Variants in PALLD observed in about 807,000 individuals in gnomAD.
PALLD encodes the protein palladin, cytoskeletal associated protein.
Under a neutral mutation model 123.5 loss-of-function variants are expected in PALLD, and 61 were observed. The observed-to-expected ratio is 0.49, with a 90% CI of 0.40 to 0.61. PALLD has a LOEUF of 0.61. Ranked by LOEUF, PALLD falls within the 20% of genes least tolerant of loss-of-function variation. The pLI is 0.00. For synonymous variants in PALLD, 465 were observed against 496.4 expected, an observed-to-expected ratio of 0.94 and a Z score of 0.84; for missense variants, 1,273 against 1,377.0, an observed-to-expected ratio of 0.92 and a Z score of 1.20.
intron 10 of PALLD, among the ~76,000 whole-genome samples, chr4:168,816,276 CAA>C (rs1458061656): frequency 6.6e-6 from 1 of 151,976 alleles, no homozygotes; most frequent in Non-Finnish European, 1.5e-5. Flanking sequence ...GTTTTCAACA[CAA>C]GAGAGCAAAG....
chr4:168,501,431 T>C (rs1341653803), intron 1 of PALLD, among the ~76,000 whole-genome samples: 1 of 151,646 alleles, frequency 6.6e-6, no homozygotes. Context: ...AGAAGAAGAA[T>C]GAGATATGCC....
At chr4:168,877,774 G>A (rs1359514269) in intron 10 of PALLD, 25 of 1,196,642 alleles carry the variant, frequency 2.1e-5, no homozygotes, top group Non-Finnish European at 1.8e-5. Context: ...TGGAGCAGGA[G>A]GCCGGCGCTC....
chr4:168,601,860 T>A (rs1263103757), intron 2 of PALLD, among the ~76,000 whole-genome samples: 1 of 152,202 alleles, frequency 6.6e-6, no homozygotes, highest in East Asian at 1.9e-4. Context: ...TGACCCCTCA[T>A]CTCTACTTTT....
chr4:168,585,178 T>G (rs1770685511), intron 2 of PALLD, among the ~76,000 whole-genome samples: 1 of 152,132 alleles, frequency 6.6e-6, no homozygotes, highest in African/African-American at 2.4e-5. Context: ...ACAAAAACAA[T>G]AGTTTCAAAA....
At chr4:168,585,898 C>T (rs1770766926) in intron 2 of PALLD, among the ~76,000 whole-genome samples, 1 of 152,114 alleles carries the variant, frequency 6.6e-6, no homozygotes, top group Admixed American at 6.5e-5. Context: ...ATCCAGGGTC[C>T]TTTGCATTGG....
intron 10 of PALLD, among the ~76,000 whole-genome samples, chr4:168,810,021 C>G (rs979101114): frequency 1.3e-5 from 2 of 150,256 alleles, no homozygotes; most frequent in African/African-American, 4.9e-5. Context: ...AGGGCTCATT[C>G]TAAAGATTAA....
intron 1 of PALLD, among the ~76,000 whole-genome samples, chr4:168,510,832 C>G (rs1206278099): frequency 6.6e-6 from 1 of 152,074 alleles, no homozygotes; most frequent in Non-Finnish European, 1.5e-5. Flanking sequence ...GAGTATCTAC[C>G]ATCTGGCCCT....
chr4:168,860,894 G>T (rs1300657960), intron 10 of PALLD, among the ~76,000 whole-genome samples: 1 of 152,166 alleles, frequency 6.6e-6, no homozygotes, highest in East Asian at 1.9e-4. Context: ...TTCTTTAAGA[G>T]AGAATTTCAT....
chr4:168,724,795 C>G (rs1479845333), intron 10 of PALLD, among the ~76,000 whole-genome samples: 1 of 152,178 alleles, frequency 6.6e-6, no homozygotes, highest in Non-Finnish European at 1.5e-5. Context: ...GTGAAGGTTT[C>G]CTGGTAGGAT....
At position 168,702,182 on chromosome 4, in the gene PALLD, A is replaced by G. The variant is rs77368619; in HGVS notation, c.1502-6846A>G. ...AACTAGGAAAAATGCAGAACTAGAG[A>G]GGCTAGAAAAAAAGAACATCAGCTC... On this transcript the variant is annotated intron_variant, in intron 8 of 21. Transcript: ENST00000505667. 8.4e-3 allele frequency among the ~76,000 whole-genome samples: 1,277 copies of G among 152,234 alleles called. 16 individuals are homozygous for G. Among genetic ancestry groups the G allele is most frequent in the African/African-American group, 0.029 (1,190 of 41,546 alleles).
At chr4:168,679,858 G>A (rs2150077490) in intron 3 of PALLD, among the ~76,000 whole-genome samples, 1 of 152,192 alleles carries the variant, frequency 6.6e-6, no homozygotes, top group Middle Eastern at 3.4e-3. Flanking sequence ...GAGGAGATGG[G>A]AAGACAAGAA....
At chr4:168,906,097 C>T (rs1387880470) in intron 15 of PALLD, among the ~76,000 whole-genome samples, 1 of 152,098 alleles carries the variant, frequency 6.6e-6, no homozygotes, top group African/African-American at 2.4e-5. Flanking sequence ...GGAGAACTGA[C>T]AAAATCCAAA....
chr4:168,521,558 T>C (rs953077550), intron 2 of PALLD, among the ~76,000 whole-genome samples: 2 of 152,240 alleles, frequency 1.3e-5, no homozygotes, highest in Non-Finnish European at 2.9e-5. Context: ...CTTTTATAGT[T>C]TATTGTTATT....
intron 10 of PALLD, among the ~76,000 whole-genome samples, chr4:168,727,367 T>G (rs1384087625): frequency 1.3e-5 from 2 of 152,194 alleles, no homozygotes; most frequent in Non-Finnish European, 2.9e-5. Flanking sequence ...TTCCCTTTTT[T>G]CCATAGCCTG....
At chr4:168,910,148 C>A (rs1003530796) in intron 15 of PALLD, among the ~76,000 whole-genome samples, 3 of 151,114 alleles carry the variant, frequency 2.0e-5, no homozygotes, top group African/African-American at 7.3e-5. Context: ...TGGTTCTAAG[C>A]AGTAGCAGCA....
At chr4:168,568,863 A>C (rs1768680221) in intron 2 of PALLD, among the ~76,000 whole-genome samples, 1 of 151,748 alleles carries the variant, frequency 6.6e-6, no homozygotes, top group African/African-American at 2.4e-5. Context: ...AATATATTGT[A>C]ATTGGTTTTC....
chr4:168,717,478 G>A (rs775548261), intron 10 of PALLD, among the ~76,000 whole-genome samples: 5 of 152,058 alleles, frequency 3.3e-5, no homozygotes, highest in African/African-American at 4.8e-5. Context: ...AGCCTCCCGA[G>A]TAGCTGGGAT....
intron 8 of PALLD, among the ~76,000 whole-genome samples, chr4:168,705,328 A>C (rs1784124842): frequency 6.6e-6 from 1 of 152,222 alleles, no homozygotes; most frequent in Non-Finnish European, 1.5e-5. Flanking sequence ...CAGCTATAAA[A>C]TATTAAGACA....
At position 168,712,203 on chromosome 4, in the gene PALLD, A is replaced by G. The variant is rs2150215232; in HGVS notation, c.1964+280A>G. The G allele has an allele frequency of 5.7e-6, 3 of 526,256 alleles. 1 individual carries two copies. The highest frequency in any genetic ancestry group is 6.3e-5 in the Admixed American group (2 of 31,654). 32.6% of individuals were successfully genotyped at this position (526,256 alleles called of 1,614,324 possible). On this transcript the variant is annotated intron_variant, in intron 10 of 21. Transcript: ENST00000505667. ...GTGGGCTTCCAACATACAGCTAAGG[A>G]TGTAGCCACTCCCTGGAGGCCATGG... is the stretch of plus-strand genomic sequence containing the variant.
Sources: allele counts gnomAD v4.1 joint callset (sites outside exome capture counted in the v4.1 genomes callset), GRCh38; gene constraint gnomAD v4.1.1; transcripts MANE v1.5; gene names NCBI Gene and HGNC (gene_info 2026-07-23, HGNC 2026-07-21).